Variants in VPS35L observed in about 807,000 individuals in gnomAD.
VPS35L encodes the protein VPS35 endosomal protein sorting factor like.
In VPS35L, 83 loss-of-function variants were observed where a neutral mutation model predicts 133.0. The observed-to-expected ratio is 0.62, with a 90% CI of 0.52 to 0.75. The LOEUF (loss-of-function observed/expected upper bound fraction) is 0.75, where lower values mean the gene tolerates loss of function less well. Among genes scored for constraint, VPS35L ranks in the 30% least tolerant of loss-of-function variants. The pLI, the probability that VPS35L is intolerant of heterozygous loss-of-function variation, is 0.00. For missense variants in VPS35L, 1,083 were observed against 1,206.8 expected (o/e 0.90, Z 1.52); for synonymous variants, 423 against 449.9 (o/e 0.94, Z 0.76).
chr16:19,577,008 G>A (rs1971561689), intron 5 of VPS35L, among the ~76,000 whole-genome samples: 1 of 152,088 alleles, frequency 6.6e-6, no homozygotes, highest in South Asian at 2.1e-4. Context: ...CGCCCAGCTT[G>A]TTATGGACAG....
In VPS35L at chr16:19,623,100, A is replaced by G. The variant is rs117667125; in HGVS notation, c.1225-3077A>G. 7.7e-3 allele frequency among the ~76,000 whole-genome samples: 1,174 copies of G among 152,262 alleles called. 16 individuals are homozygous for G. Among genetic ancestry groups the G allele is most frequent in the South Asian group, 0.034 (162 of 4,814 alleles). ...GAAACCTTTCTCCAAATCCCCCCGA[A>G]GACTTCCCATCCTGTCTCAGCAGCT... is the stretch of plus-strand genomic sequence containing the variant. On this transcript the variant is annotated intron_variant, in intron 14 of 30. Transcript: ENST00000417362.
intron 23 of VPS35L, among the ~76,000 whole-genome samples, chr16:19,646,762 G>C (rs749807159): frequency 1.7e-4 from 26 of 152,128 alleles, no homozygotes; most frequent in Non-Finnish European, 3.5e-4. Flanking sequence ...ACCCAGTCTG[G>C]AGGGGAAGAG....
chr16:19,559,075 T>C (rs1970948469), intron 1 of VPS35L, among the ~76,000 whole-genome samples: 2 of 152,172 alleles, frequency 1.3e-5, no homozygotes, highest in Admixed American at 6.5e-5. Context: ...CAAAAACTTA[T>C]TTGAGAATTA....
At chr16:19,695,919 C>T (rs1008276995) in intron 29 of VPS35L, among the ~76,000 whole-genome samples, 3 of 151,864 alleles carry the variant, frequency 2.0e-5, no homozygotes, top group African/African-American at 7.3e-5. Context: ...GACAGTCTTG[C>T]TCTGTTGCCC....
Position 19,581,573 on chromosome 16 carries a change from C to T in VPS35L, c.559C>T (p.Arg187Cys), listed in dbSNP as rs1427481009. 1.2e-6 allele frequency: 2 copies of T among 1,611,622 alleles called. No individual in the cohort carries two copies. Among genetic ancestry groups the T allele is most frequent in the African/African-American group, 1.3e-5 (1 of 74,798 alleles). Residue 187 changes from arginine to cysteine, a missense_variant, in exon 7 of 31, where the codon CGC becomes TGC. Coordinates refer to ENST00000417362, the MANE Select transcript of VPS35L (RefSeq NM_020314.7). ...CTTGACTCAGCAGGATTACGTGAAC[C>T]GCATAGAGGAGCTCAACCAATCGCT... ...LNLTQQDYVN[R>C]IEELNQSLKD...
intron 4 of VPS35L, among the ~76,000 whole-genome samples, chr16:19,573,681 C>T (rs375634193): frequency 9.9e-5 from 15 of 152,098 alleles, no homozygotes; most frequent in South Asian, 2.1e-4. Flanking sequence ...GGCGTGGTGG[C>T]GGGCACCTGT....
chr16:19,663,125 C>T (rs1407504909), intron 26 of VPS35L, among the ~76,000 whole-genome samples: 2 of 152,018 alleles, frequency 1.3e-5, no homozygotes, highest in African/African-American at 2.4e-5. Flanking sequence ...GCCTGACCAA[C>T]ATGGAGAAGC....
chr16:19,630,848 T>TA (rs755164566), intron 18 of VPS35L, among the ~76,000 whole-genome samples: 56 of 148,008 alleles, frequency 3.8e-4, no homozygotes, highest in Non-Finnish European at 5.3e-4. Flanking sequence ...CTACTAAAAA[T>TA]AAAAAAAAAA....
At chr16:19,697,674 G>A in intron 29 of VPS35L, among the ~76,000 whole-genome samples, 1 of 152,058 alleles carries the variant, frequency 6.6e-6, no homozygotes, top group East Asian at 1.9e-4. Flanking sequence ...GTTGAGAAAA[G>A]CAGGAAGAAA....
Position 19,633,312 on chromosome 16 carries a change from C to T in VPS35L, c.1635+140C>T, listed in dbSNP as rs575915184. On this transcript the variant is annotated intron_variant, in intron 19 of 30. Transcript: ENST00000417362. This position sits in a 1 kb window ranked among gnomAD's most constrained non-coding sequence, Gnocchi z 4.1. ...AGCTCTGCCATATCCTAGCCATGTG[C>T]CCTTTGATCAGTTACTTAACCTTGT... is the stretch of plus-strand genomic sequence containing the variant. 18 of 787,774 alleles carry T rather than the reference C, an allele frequency of 2.3e-5. No individual in the cohort carries two copies. Among genetic ancestry groups the T allele is most frequent in the South Asian group, 2.2e-4 (14 of 62,706 alleles). The allele number at this position is 787,774 out of a possible 1,614,324, so 48.8% of individuals were successfully genotyped here. A position where few individuals can be genotyped will look rare whatever the true frequency, so the allele number is the denominator to read the frequency against.
intron 6 of VPS35L, among the ~76,000 whole-genome samples, chr16:19,581,082 A>T (rs1482885622): frequency 6.6e-6 from 1 of 152,142 alleles, no homozygotes; most frequent in Non-Finnish European, 1.5e-5. Flanking sequence ...TTAGTGCTGA[A>T]ATACCCTGTC....
chr16:19,688,165 G>T (rs1975528980), intron 28 of VPS35L, among the ~76,000 whole-genome samples: 2 of 150,100 alleles, frequency 1.3e-5, no homozygotes, highest in South Asian at 4.3e-4. Context: ...GAGCTCAAGT[G>T]ACCTACCTGC....
At chr16:19,556,877 C>G (rs1970874843) in intron 1 of VPS35L, among the ~76,000 whole-genome samples, 1 of 151,042 alleles carries the variant, frequency 6.6e-6, no homozygotes, top group Non-Finnish European at 1.5e-5. Context: ...GTAATCCCAG[C>G]ACTTTGGGAG....
chr16:19,582,141 T>G (rs1488637632), intron 7 of VPS35L: 1 of 152,868 alleles, frequency 6.5e-6, no homozygotes, highest in Non-Finnish European at 1.5e-5. Context: ...GGTACATACA[T>G]TGAATCTTCT....
At position 19,653,652 on chromosome 16, in the gene VPS35L, G is replaced by A. The variant is rs144643167; in HGVS notation, c.2221+1562G>A. 2.6e-3 allele frequency among the ~76,000 whole-genome samples: 398 copies of A among 152,376 alleles called. 2 individuals are homozygous for A. The highest frequency in any genetic ancestry group is 8.8e-3 in the African/African-American group (368 of 41,600). ...CATAGGAGGTGGACTGAGGTTTTCA[G>A]TGGTGGTTCTTTTCCTGACACAACT... On this transcript the variant is annotated intron_variant, in intron 26 of 30. Transcript: ENST00000417362.
chr16:19,642,807 A>G (rs1973827061), intron 22 of VPS35L, among the ~76,000 whole-genome samples: 4 of 152,330 alleles, frequency 2.6e-5, no homozygotes, highest in South Asian at 4.1e-4. Context: ...ATCCAGTAAT[A>G]TAGCCTTTTT....
chr16:19,689,403 CG>C (rs555108257), intron 28 of VPS35L, among the ~76,000 whole-genome samples: 339 of 151,322 alleles, frequency 2.2e-3, no homozygotes, highest in African/African-American at 7.1e-3. Context: ...CCCAAGTAGC[CG>C]GGACTACAAG....
At chr16:19,628,791 T>G (rs1973353224) in intron 17 of VPS35L, 38 bp downstream of exon 17, 2 of 865,600 alleles carry the variant, frequency 2.3e-6, no homozygotes, top group Non-Finnish European at 3.2e-6. Flanking sequence ...ATTTATTTAT[T>G]TATTTATTTA....
At chr16:19,680,025 G>T (rs1975213442) in intron 27 of VPS35L, among the ~76,000 whole-genome samples, 1 of 152,184 alleles carries the variant, frequency 6.6e-6, no homozygotes. Context: ...AGAGACGCTT[G>T]GTTTATCTGC....
Sources: gnomAD v4.1 joint callset for allele counts (sites outside exome capture counted in the v4.1 genomes callset) on GRCh38, gnomAD v4.1.1 for gene constraint, Gnocchi (gnomAD v3.1) non-coding constraint, MANE v1.5 for transcripts, NCBI Gene and HGNC (gene_info 2026-07-23, HGNC 2026-07-21) for gene names.